The following DAB1 variants were observed in gnomAD, a reference collection of about 807,000 sequenced individuals.
DAB1 encodes disabled homolog 1.
Under a neutral mutation model 64.6 loss-of-function variants are expected in DAB1, and 15 were observed. The observed-to-expected ratio is 0.23, with a 90% CI of 0.16 to 0.36. The LOEUF (loss-of-function observed/expected upper bound fraction) is 0.36, where lower values mean the gene tolerates loss of function less well. DAB1 is among the 10% of genes least tolerant of loss of function. The pLI, the probability that DAB1 is intolerant of heterozygous loss-of-function variation, is 1.00. For missense variants in DAB1, 596 were observed against 706.7 expected, an observed-to-expected ratio of 0.84 and a Z score of 1.78; for synonymous variants, 235 against 251.9, an observed-to-expected ratio of 0.93 and a Z score of 0.64.
At chr1:57,706,673 C>T (rs532865961) in intron 6 of DAB1, among the ~76,000 whole-genome samples, 6 of 152,210 alleles carry the variant, frequency 3.9e-5, no homozygotes, top group East Asian at 1.9e-4. Flanking sequence ...TACCCAATTT[C>T]CCCCAATGGT....
chr1:58,308,597 A>G (rs1244799756), intron 4 of DAB1, among the ~76,000 whole-genome samples: 1 of 152,170 alleles, frequency 6.6e-6, no homozygotes, highest in Non-Finnish European at 1.5e-5. Context: ...AGATGCACTT[A>G]GCATCCAGCC....
chr1:58,155,213 T>C lies in DAB1; in HGVS notation n.310-4625A>G, dbSNP rs559185660. 3.6e-4 allele frequency among the ~76,000 whole-genome samples: 55 copies of C among 152,246 alleles called. No individual in the cohort carries two copies. In the South Asian group the frequency reaches 8.9e-3, roughly 25 times the overall value. On this transcript the variant is annotated intron_variant and non_coding_transcript_variant, in intron 4 of 20. Coordinates refer to the DAB1 transcript ENST00000485760. ...ATTCAGCTGCTGCCAAGGGAAGGAA[T>C]TGCAGCTGCCAAAGTGAAGAAGTAT...
chr1:57,714,112 A>G (rs1423501882), intron 6 of DAB1, among the ~76,000 whole-genome samples: 1 of 152,214 alleles, frequency 6.6e-6, no homozygotes, highest in African/African-American at 2.4e-5. Flanking sequence ...TACAGATAAG[A>G]ACTAAAATAT....
intron 2 of DAB1, among the ~76,000 whole-genome samples, chr1:57,170,046 G>C (rs979683842): frequency 2.0e-5 from 3 of 150,956 alleles, no homozygotes; most frequent in African/African-American, 7.3e-5. Flanking sequence ...ACCCAGGCTG[G>C]AGTGCAGTGG....
chr1:58,106,236 G>C lies in DAB1; in HGVS notation n.387+44275C>G, dbSNP rs924856548. ...TCTGTTGCCCAGGCTGGAGTGCAGT[G>C]GTAGGATCATGGCTCACTGCAGACT... On this transcript the variant is annotated intron_variant and non_coding_transcript_variant, in intron 5 of 20. Transcript: ENST00000485760. 2.6e-5 allele frequency among the ~76,000 whole-genome samples: 4 copies of C among 151,298 alleles called. No homozygotes were observed. In the East Asian group the frequency reaches 7.8e-4, roughly 29 times the overall value.
intron 1 of DAB1, among the ~76,000 whole-genome samples, chr1:57,839,069 C>G (rs1313069350): frequency 6.6e-6 from 1 of 152,198 alleles, no homozygotes; most frequent in African/African-American, 2.4e-5. Context: ...GCATGAGCCA[C>G]TGCACCCAGC....
At chr1:58,160,345 C>G (rs1293611076) in intron 4 of DAB1, among the ~76,000 whole-genome samples, 5 of 152,126 alleles carry the variant, frequency 3.3e-5, no homozygotes, top group Non-Finnish European at 5.9e-5. Flanking sequence ...GCAGGCTGCT[C>G]TGGATAAGGA....
At chr1:58,020,138 T>G (rs377240795) in intron 5 of DAB1, among the ~76,000 whole-genome samples, 32 of 152,338 alleles carry the variant, frequency 2.1e-4, no homozygotes, top group African/African-American at 7.7e-4. Flanking sequence ...TCTGTATAAT[T>G]CTACCCATGA....
intron 14 of DAB1, among the ~76,000 whole-genome samples, chr1:57,009,293 T>G (rs1646191230): frequency 6.6e-6 from 1 of 152,188 alleles, no homozygotes; most frequent in Admixed American, 6.5e-5. Flanking sequence ...TCCTGAAACA[T>G]TGACTTTGCT....
chr1:57,517,868 C>T (rs536817779), intron 7 of DAB1, among the ~76,000 whole-genome samples: 5 of 152,254 alleles, frequency 3.3e-5, no homozygotes, highest in South Asian at 2.1e-4. Flanking sequence ...TCTGAAACAT[C>T]GACTCTAAGA....
chr1:58,307,712 T>C (rs1057326555), intron 4 of DAB1, among the ~76,000 whole-genome samples: 2 of 151,448 alleles, frequency 1.3e-5, no homozygotes, highest in African/African-American at 4.9e-5. Context: ...GGAAGAAGCA[T>C]ATGCAGAGCC....
At chr1:57,469,565 G>T (rs1687070449) in intron 7 of DAB1, among the ~76,000 whole-genome samples, 1 of 152,108 alleles carries the variant, frequency 6.6e-6, no homozygotes, top group African/African-American at 2.4e-5. Context: ...CTTCATTGAG[G>T]TAGTAATGCT....
At chr1:57,757,304 T>C (rs759795176) in intron 6 of DAB1, among the ~76,000 whole-genome samples, 1 of 149,998 alleles carries the variant, frequency 6.7e-6, no homozygotes, top group Non-Finnish European at 1.5e-5. Flanking sequence ...TTATTAACGG[T>C]GTGACTTTAG....
intron 5 of DAB1, among the ~76,000 whole-genome samples, chr1:57,955,773 A>T (rs562002324): frequency 6.6e-6 from 1 of 152,232 alleles, no homozygotes; most frequent in African/African-American, 2.4e-5. Flanking sequence ...AAGGTATTGG[A>T]TTAACCAAAA....
rs35389635 is a variant in DAB1 at position 57,035,833 on chromosome 1, C to CTTT, written c.724-9793_724-9791dup. The stretch of plus-strand genomic sequence containing the variant: ...GGCTCATTTCAGTAACGCACATGCA[C>CTTT]TTTTTTTTTTTTTTTTTTTTTTTTT... On this transcript the variant is annotated intron_variant, in intron 9 of 14. Coordinates refer to ENST00000371236, the MANE Select transcript of DAB1 (RefSeq NM_001365792.1). Among the ~76,000 whole-genome samples the CTTT allele has an allele frequency of 5.2e-3, 319 of 61,920 alleles. 85 individuals carry two copies. The highest frequency in any genetic ancestry group is 0.015 in the African/African-American group (234 of 15,562). The allele number at this position is 61,920 out of a possible 152,430, so 40.6% of individuals were successfully genotyped here.
At chr1:58,332,269 T>A (rs1662986947) in intron 4 of DAB1, among the ~76,000 whole-genome samples, 1 of 152,178 alleles carries the variant, frequency 6.6e-6, no homozygotes, top group Admixed American at 6.5e-5. Context: ...CACCTGTTTG[T>A]GTTCCTTGTT....
chr1:57,544,805 T>A (rs997984496), intron 7 of DAB1, among the ~76,000 whole-genome samples: 9 of 152,234 alleles, frequency 5.9e-5, no homozygotes, highest in Non-Finnish European at 1.3e-4. Flanking sequence ...CTAGGCACTT[T>A]TCCTTCCTGC....
chr1:57,356,873 G>A (rs764547358), intron 1 of DAB1, among the ~76,000 whole-genome samples: 3 of 151,996 alleles, frequency 2.0e-5, no homozygotes, highest in South Asian at 2.1e-4. Flanking sequence ...AGCCACCACC[G>A]GAGAAGCAGT....
At chr1:57,827,055 A>G (rs1358521908) in intron 1 of DAB1, among the ~76,000 whole-genome samples, 1 of 152,242 alleles carries the variant, frequency 6.6e-6, no homozygotes, top group Non-Finnish European at 1.5e-5. Flanking sequence ...TTACATGGCA[A>G]TGAGGTTGCT....
Sources: gnomAD v4.1 joint callset for allele counts (sites outside exome capture counted in the v4.1 genomes callset) on GRCh38, gnomAD v4.1.1 for gene constraint, MANE v1.5 for transcripts, NCBI Gene and HGNC (gene_info 2026-07-23, HGNC 2026-07-21) for gene names.